NBEAL1: variants seen among roughly 807,000 people sequenced by gnomAD.
NBEAL1 encodes the protein neurobeachin-like protein 1.
In NBEAL1, 273 loss-of-function variants were observed where a neutral mutation model predicts 351.3. The ratio of observed to expected loss-of-function variants is 0.78; its 90% CI spans 0.70 to 0.86. NBEAL1 has a LOEUF of 0.86. NBEAL1 is among the 40% of genes least tolerant of loss of function. The pLI is 0.00. For synonymous variants in NBEAL1, 1,050 were observed against 1,086.4 expected, an observed-to-expected ratio of 0.97 and a Z score of 0.66; for missense variants, 2,961 against 3,201.3, an observed-to-expected ratio of 0.92 and a Z score of 1.81.
intron 35 of NBEAL1, among the ~76,000 whole-genome samples, chr2:203,155,148 T>G (rs534523458): frequency 1.3e-5 from 2 of 148,770 alleles, no homozygotes; most frequent in Non-Finnish European, 3.0e-5. Flanking sequence ...CTTGGGAGGC[T>G]GAGGTGAGAG....
rs1232795986 is a variant in NBEAL1, at chr2:203,223,606, C to T, written c.*6252C>T. ...GATTTTTAAAAATTTATCAATTCAG[C>T]TACTTTTTAAAAGAAGTCCTATTCC... On this transcript the variant is annotated 3_prime_UTR_variant, in exon 56 of 56. Coordinates refer to ENST00000683969, the MANE Select transcript of NBEAL1 (RefSeq NM_001378026.1). 6.6e-6 allele frequency among the ~76,000 whole-genome samples: 1 copy of T among 151,966 alleles called. No individual in the cohort carries two copies. The highest frequency in any genetic ancestry group is 1.5e-5 in the Non-Finnish European group (1 of 67,896).
At chr2:203,033,743 A>G (rs2060991348) in intron 2 of NBEAL1, among the ~76,000 whole-genome samples, 1 of 152,196 alleles carries the variant, frequency 6.6e-6, no homozygotes, top group Non-Finnish European at 1.5e-5. Context: ...TGGTTAGGAA[A>G]TGCTGACTTC....
chr2:203,129,484 T>A (rs1174235328), intron 24 of NBEAL1, among the ~76,000 whole-genome samples: 1 of 152,204 alleles, frequency 6.6e-6, no homozygotes, highest in Non-Finnish European at 1.5e-5. Context: ...TTCTCATTAT[T>A]CCCATCTTAT....
intron 36 of NBEAL1, among the ~76,000 whole-genome samples, chr2:203,159,066 G>A (rs1317125354): frequency 1.3e-5 from 2 of 151,880 alleles, no homozygotes; most frequent in Admixed American, 6.6e-5. Flanking sequence ...TGATCCTCCC[G>A]TCTTGGTTTC....
At position 203,084,546 on chromosome 2, in the gene NBEAL1, A is replaced by G. The variant is rs1279943714; in HGVS notation, c.1075A>G (p.Ile359Val). 3 of 1,532,438 alleles carry G rather than the reference A, an allele frequency of 2.0e-6. No individual in the cohort carries two copies. Among genetic ancestry groups the G allele is most frequent in the South Asian group, 1.2e-5 (1 of 81,162 alleles). 94.9% of individuals were successfully genotyped at this position (1,532,438 alleles called of 1,614,324 possible). The change falls in exon 10 of 56, where the codon ATA becomes GTA. Residue 359 changes from isoleucine to valine, a missense_variant. By Grantham distance (29) the Ile-to-Val change is conservative (BLOSUM62 3). Coordinates refer to ENST00000683969, the MANE Select transcript of NBEAL1 (RefSeq NM_001378026.1). ...FLNSNCFEHL[I>V]RLLQNCKLFL... ...TAACAGCAATTGCTTTGAACATCTCATACGACTGCTACAGAACTGCAAGGT... is the reference window on the plus strand; with the variant it reads ...TAACAGCAATTGCTTTGAACATCTCGTACGACTGCTACAGAACTGCAAGGT...
At chr2:203,017,149 A>G (rs2060694467) in intron 2 of NBEAL1, among the ~76,000 whole-genome samples, 1 of 152,182 alleles carries the variant, frequency 6.6e-6, no homozygotes, top group African/African-American at 2.4e-5. Flanking sequence ...TAGGTTATTG[A>G]GAAGAGTACT....
chr2:203,110,097 GA>G (rs1559372268), intron 14 of NBEAL1, 52 bp from the exon 15 acceptor site: 5 of 1,487,936 alleles, frequency 3.4e-6, no homozygotes, highest in South Asian at 1.3e-5. Flanking sequence ...CTTTAATGAT[GA>G]TGAAACTGAA....
intron 36 of NBEAL1, among the ~76,000 whole-genome samples, chr2:203,165,441 C>T (rs970652481): frequency 5.3e-5 from 8 of 152,014 alleles, no homozygotes; most frequent in African/African-American, 1.9e-4. Flanking sequence ...TTACAAACAC[C>T]ACTACAATGC....
intron 52 of NBEAL1, 66 bp from the exon 53 acceptor site, chr2:203,209,092 TCTA>T: frequency 7.8e-7 from 1 of 1,286,488 alleles, no homozygotes. Flanking sequence ...TCTGGCCCAC[TCTA>T]CTTTTATTCT....
In NBEAL1 at chr2:203,174,206, T is replaced by C. The variant is rs1367760105; in HGVS notation, c.6324-941T>C. 4.8e-5 allele frequency among the ~76,000 whole-genome samples: 6 copies of C among 124,030 alleles called. No homozygotes were observed. The Admixed American group carries it at 5.1e-4, about 11-fold the overall frequency. 81.4% of individuals were successfully genotyped at this position (124,030 alleles called of 152,430 possible). A position where few individuals can be genotyped will look rare whatever the true frequency, so the allele number is the denominator to read the frequency against. On this transcript the variant is annotated intron_variant, in intron 41 of 55. Coordinates refer to ENST00000683969, the MANE Select transcript of NBEAL1 (RefSeq NM_001378026.1). ...AAAGGATGTTTAATTATCACAGTGC[T>C]TTATACTAGCAAAAAAAAAAAAAAA...
rs1460120646 is a variant in NBEAL1 at position 203,127,940 on chromosome 2, A to G, written c.3405+3A>G. ...CTGCTACTAATGAAGAAGAACAGGTATTATGCCTAAGATACATCTACTTTT... is the reference window on the plus strand; with the variant it reads ...CTGCTACTAATGAAGAAGAACAGGTGTTATGCCTAAGATACATCTACTTTT... On this transcript the variant is annotated splice_donor_region_variant and intron_variant, in intron 24 of 55. Coordinates refer to ENST00000683969, the MANE Select transcript of NBEAL1 (RefSeq NM_001378026.1). 14 of 1,545,864 alleles carry G rather than the reference A, an allele frequency of 9.1e-6. No individual in the cohort carries two copies. The highest frequency in any genetic ancestry group is 1.2e-5 in the Non-Finnish European group (14 of 1,142,688).
At position 203,059,127 on chromosome 2, in the gene NBEAL1, A is replaced by G. The variant is rs370324921; in HGVS notation, c.515+1674A>G. 5.9e-5 allele frequency among the ~76,000 whole-genome samples: 9 copies of G among 152,366 alleles called. No individual in the cohort carries two copies. The East Asian group carries it at 1.7e-3, about 29-fold the overall frequency. ...GGGTTCCCATGGTAGTATAGCCACC[A>G]TACCATTAGATGATGGTGAAGAATT... On this transcript the variant is annotated intron_variant, in intron 6 of 55. Coordinates refer to ENST00000683969, the MANE Select transcript of NBEAL1 (RefSeq NM_001378026.1).
chr2:203,168,393 C>T (rs774165533), intron 38 of NBEAL1, among the ~76,000 whole-genome samples: 16 of 152,122 alleles, frequency 1.1e-4, no homozygotes, highest in Non-Finnish European at 1.9e-4. Context: ...CGAGACCACC[C>T]TGGCCAACAT....
At chr2:203,161,304 G>GTGA (rs2063949104) in intron 36 of NBEAL1, among the ~76,000 whole-genome samples, 1 of 142,130 alleles carries the variant, frequency 7.0e-6, no homozygotes, top group African/African-American at 2.6e-5. Flanking sequence ...TCCAGCCTGG[G>GTGA]CAATGGAGCT....
intron 35 of NBEAL1, among the ~76,000 whole-genome samples, chr2:203,153,302 A>C (rs1426213510): frequency 8.1e-6 from 1 of 124,152 alleles, no homozygotes; most frequent in Non-Finnish European, 1.6e-5. Flanking sequence ...CATGCCCAGC[A>C]TTTTTTTTTT....
At chr2:203,196,570 G>A (rs550206430) in intron 47 of NBEAL1, among the ~76,000 whole-genome samples, 16 of 152,176 alleles carry the variant, frequency 1.1e-4, no homozygotes, top group Admixed American at 2.6e-4. Flanking sequence ...AATTCACAAC[G>A]TAAAGAGAAA....
intron 7 of NBEAL1, among the ~76,000 whole-genome samples, chr2:203,074,258 G>A (rs1574932950): frequency 6.6e-6 from 1 of 151,116 alleles, no homozygotes. Flanking sequence ...AAAATGAAAA[G>A]GCATGTATTG....
At chr2:203,138,538 G>T in intron 30 of NBEAL1, 82 bp from the exon 31 acceptor site, 1 of 1,373,712 alleles carries the variant, frequency 7.3e-7, no homozygotes, top group Non-Finnish European at 9.9e-7. Flanking sequence ...TTTGTGGTTT[G>T]TATTAATGTT....
intron 4 of NBEAL1, among the ~76,000 whole-genome samples, chr2:203,054,628 A>G (rs1376294561): frequency 6.6e-6 from 1 of 151,524 alleles, no homozygotes; most frequent in Non-Finnish European, 1.5e-5. Flanking sequence ...TCTTTTGTGT[A>G]TTGTTTCTTT....
Sources: gnomAD v4.1 joint callset for allele counts (sites outside exome capture counted in the v4.1 genomes callset) on GRCh38, gnomAD v4.1.1 for gene constraint, MANE v1.5 for transcripts, NCBI Gene and HGNC (gene_info 2026-07-23, HGNC 2026-07-21) for gene names.